ADAMTS2: variants seen among roughly 807,000 people sequenced by gnomAD.
ADAMTS2 encodes the protein A disintegrin and metalloproteinase with thrombospondin motifs 2.
A neutral mutation model predicts 123.0 loss-of-function variants in ADAMTS2; 50 were observed. The ratio of observed to expected loss-of-function variants is 0.41; its 90% CI spans 0.32 to 0.51. The LOEUF is 0.51. Ranked by LOEUF, ADAMTS2 falls within the 20% of genes least tolerant of loss-of-function variation. The pLI, the probability that ADAMTS2 is intolerant of heterozygous loss-of-function variation, is 0.35. For synonymous variants in ADAMTS2, 678 were observed against 695.4 expected (o/e 0.98, Z 0.39); for missense variants, 1,494 against 1,705.2 (o/e 0.88, Z 2.18).
At chr5:179,232,319 T>C (rs1765427658) in intron 3 of ADAMTS2, among the ~76,000 whole-genome samples, 1 of 152,240 alleles carries the variant, frequency 6.6e-6, no homozygotes, top group Non-Finnish European at 1.5e-5. Flanking sequence ...ACATCCATAC[T>C]GCTCTTAAGG....
intron 3 of ADAMTS2, among the ~76,000 whole-genome samples, chr5:179,216,052 CA>C (rs1318286091): frequency 6.6e-6 from 1 of 152,012 alleles, no homozygotes; most frequent in Admixed American, 6.5e-5. Context: ...CCATCAAAAA[CA>C]AAAAAGGCAA....
rs375339070 is a variant in ADAMTS2 at position 179,181,290 on chromosome 5, ACC to A, written c.892-137_892-136del. On this transcript the variant is annotated intron_variant, in intron 4 of 21. Coordinates refer to ENST00000251582, the MANE Select transcript of ADAMTS2 (RefSeq NM_014244.5). The surrounding 1 kb of genome is among the most constrained non-coding windows in gnomAD (Gnocchi z 4.1). Reference sequence around the variant, plus strand: ...CAGGCGTCACCATCAACTAGGAGCCACCTTGTGACCCCTCCCTCATTGCCCCC... The same window carrying A: ...CAGGCGTCACCATCAACTAGGAGCCATTGTGACCCCTCCCTCATTGCCCCC... The A allele has an allele frequency of 5.3e-4, 377 of 714,442 alleles. 1 individual carries two copies. In the African/African-American group the frequency reaches 5.4e-3, roughly 10 times the overall value. The allele number at this position is 714,442 out of a possible 1,614,324, so 44.3% of individuals were successfully genotyped here.
chr5:179,296,904 G>T (rs1756354920), intron 2 of ADAMTS2, among the ~76,000 whole-genome samples: 1 of 152,178 alleles, frequency 6.6e-6, no homozygotes, highest in South Asian at 2.1e-4. Flanking sequence ...AACAAACAAG[G>T]CATGCCGTCT....
At position 179,125,177 on chromosome 5, in the gene ADAMTS2, C is replaced by T; in HGVS notation, c.2754G>A (p.Trp918Ter). ...CNPQECSQPV[W>*]VTGEWEPCSQ... ...TACATGGCTCCCATTCGCCTGTGAC[C>T]CACCTGCCAGGGCAGAGCGGGGCAC... The change falls in exon 19 of 22, where the codon TGG becomes TGA. Residue 918 changes from tryptophan (W) to a stop codon, truncating the protein, a stop_gained. Transcript: ENST00000251582. LOFTEE classifies it high-confidence loss of function. 1 of 1,612,354 alleles carries T rather than the reference C, an allele frequency of 6.2e-7. No individual in the cohort carries two copies. Among genetic ancestry groups the T allele is most frequent in the Non-Finnish European group, 8.5e-7 (1 of 1,179,872 alleles).
intron 2 of ADAMTS2, among the ~76,000 whole-genome samples, 156 bp downstream of exon 2, chr5:179,343,611 G>A (rs1023399489): frequency 6.6e-6 from 1 of 152,244 alleles, no homozygotes; most frequent in African/African-American, 2.4e-5. Flanking sequence ...TTCCAGCCAA[G>A]CCCTTCAGTT....
Position 179,158,118 on chromosome 5 carries a change from C to T in ADAMTS2, c.1132+605G>A, listed in dbSNP as rs1385402200. Among the ~76,000 whole-genome samples, 2 of 152,118 alleles carry T rather than the reference C, an allele frequency of 1.3e-5. No homozygotes were observed. The highest frequency in any genetic ancestry group is 3.9e-4 in the East Asian group (2 of 5,178). ...TAGCTGGGACTACAGGCGCCCGCCACCATGCCCTGCTAATTTTTTTGTATT... is the reference window on the plus strand; with the variant it reads ...TAGCTGGGACTACAGGCGCCCGCCATCATGCCCTGCTAATTTTTTTGTATT... On this transcript the variant is annotated intron_variant, in intron 6 of 21. Transcript: ENST00000251582. The surrounding 1 kb of genome is among the most constrained non-coding windows in gnomAD (Gnocchi z 5.0).
chr5:179,138,469 G>A (rs1310305428), intron 11 of ADAMTS2, among the ~76,000 whole-genome samples: 1 of 152,222 alleles, frequency 6.6e-6, no homozygotes, highest in Non-Finnish European at 1.5e-5. Context: ...CATCACGGCC[G>A]CTGGGTTTTC....
chr5:179,142,822 A>C (rs1763193575), intron 10 of ADAMTS2, among the ~76,000 whole-genome samples: 1 of 152,184 alleles, frequency 6.6e-6, no homozygotes, highest in Admixed American at 6.5e-5. Context: ...ATCAACAAGC[A>C]AACAGTAGCA....
At chr5:179,237,557 G>A (rs373426160) in intron 3 of ADAMTS2, among the ~76,000 whole-genome samples, 8 of 152,202 alleles carry the variant, frequency 5.3e-5, no homozygotes, top group Admixed American at 2.0e-4. Flanking sequence ...GAAAGGCTTC[G>A]TCACCTGGAT....
chr5:179,165,109 C>G (rs1763671892), intron 5 of ADAMTS2, among the ~76,000 whole-genome samples: 4 of 152,214 alleles, frequency 2.6e-5, no homozygotes, highest in African/African-American at 7.2e-5. Flanking sequence ...AGGATACTGT[C>G]CTGACATGCA....
chr5:179,220,145 G>T (rs2113403991), intron 3 of ADAMTS2, among the ~76,000 whole-genome samples: 1 of 152,384 alleles, frequency 6.6e-6, no homozygotes, highest in East Asian at 1.9e-4. Flanking sequence ...CAGCCAAGTG[G>T]TGGGGGCCGA....
Position 179,189,590 on chromosome 5 carries a change from T to C in ADAMTS2, c.892-8435A>G, listed in dbSNP as rs35601097. Among the ~76,000 whole-genome samples, 20,968 of 141,526 alleles carry C rather than the reference T, an allele frequency of 0.15. 1,709 individuals are homozygous for C. Among genetic ancestry groups the C allele is most frequent in the South Asian group, 0.21 (862 of 4,172 alleles). The allele number at this position is 141,526 out of a possible 152,430, so 92.8% of individuals were successfully genotyped here. A position where few individuals can be genotyped will look rare whatever the true frequency, so the allele number is the denominator to read the frequency against. On this transcript the variant is annotated intron_variant, in intron 4 of 21. Coordinates refer to ENST00000251582, the MANE Select transcript of ADAMTS2 (RefSeq NM_014244.5). The surrounding 1 kb of genome is among the most constrained non-coding windows in gnomAD (Gnocchi z 4.2). ...GCCAGGATGGTCTTGATCTCCTGAC[T>C]TCATGATCTGCCCGCCTCGGCCTCC... is the stretch of plus-strand genomic sequence containing the variant.
intron 13 of ADAMTS2, 99 bp downstream of exon 13, chr5:179,135,810 C>A (rs1056297032): frequency 6.5e-7 from 1 of 1,549,882 alleles, no homozygotes; most frequent in Non-Finnish European, 8.8e-7. Context: ...GTATGCTTCA[C>A]CTCATGCATC....
chr5:179,166,282 C>T (rs770832849), intron 5 of ADAMTS2, among the ~76,000 whole-genome samples: 4 of 152,308 alleles, frequency 2.6e-5, no homozygotes, highest in East Asian at 3.9e-4. Flanking sequence ...GTGTTTCCTC[C>T]GGGTTCAGCC....
At position 179,170,453 on chromosome 5, in the gene ADAMTS2, A is replaced by G. The variant is rs1282862251; in HGVS notation, c.975+10619T>C. ...GCCATCGCCTTGGTTTTGCCATGCT[A>G]AAATTCTTCTAGAGACGGGGGCCTC... On this transcript the variant is annotated intron_variant, in intron 5 of 21. Transcript: ENST00000251582. This position sits in a 1 kb window ranked among gnomAD's most constrained non-coding sequence, Gnocchi z 4.3. Among the ~76,000 whole-genome samples, 1 of 152,048 alleles carries G rather than the reference A, an allele frequency of 6.6e-6. No homozygotes were observed. The highest frequency in any genetic ancestry group is 2.4e-5 in the African/African-American group (1 of 41,390).
In ADAMTS2 at chr5:179,216,058, A is replaced by G. The variant is rs142520586; in HGVS notation, c.689-8343T>C. ...AGGTGTGCACCATCAAAAACAAAAAAGGCAACAAAGAAAGAGTAAGACACA... is the reference window on the plus strand; with the variant it reads ...AGGTGTGCACCATCAAAAACAAAAAGGGCAACAAAGAAAGAGTAAGACACA... On this transcript the variant is annotated intron_variant, in intron 3 of 21. Coordinates refer to ENST00000251582, the MANE Select transcript of ADAMTS2 (RefSeq NM_014244.5). 6.3e-3 allele frequency among the ~76,000 whole-genome samples: 953 copies of G among 152,356 alleles called. 8 individuals carry two copies. Among genetic ancestry groups the G allele is most frequent in the African/African-American group, 0.019 (805 of 41,580 alleles).
At chr5:179,164,762 G>A (rs1410628782) in intron 5 of ADAMTS2, among the ~76,000 whole-genome samples, 1 of 152,306 alleles carries the variant, frequency 6.6e-6, no homozygotes, top group East Asian at 1.9e-4. Flanking sequence ...GCACAGGTTC[G>A]AAAGGACTGA....
rs1453902448 is a variant in ADAMTS2, at chr5:179,113,334, G to A, written c.*533C>T. On this transcript the variant is annotated 3_prime_UTR_variant, in exon 22 of 22. Coordinates refer to ENST00000251582, the MANE Select transcript of ADAMTS2 (RefSeq NM_014244.5). The stretch of plus-strand genomic sequence containing the variant: ...TGTCAGGGCGGCCATGGTCCCCAGC[G>A]GGCCACTACGCTCACCCCGGTCAGC... The A allele has an allele frequency of 1.2e-5, 2 of 170,416 alleles. No homozygotes were observed. The highest frequency in any genetic ancestry group is 2.4e-5 in the African/African-American group (1 of 41,920). 10.6% of individuals were successfully genotyped at this position (170,416 alleles called of 1,614,324 possible).
rs575377226 is a variant in ADAMTS2 at position 179,317,466 on chromosome 5, C to A, written c.534+26301G>T. On this transcript the variant is annotated intron_variant, in intron 2 of 21. Coordinates refer to ENST00000251582, the MANE Select transcript of ADAMTS2 (RefSeq NM_014244.5). The surrounding 1 kb of genome is among the most constrained non-coding windows in gnomAD (Gnocchi z 4.9). Reference sequence around the variant, plus strand: ...AGTTCCTCGTGGAGGGAGAGAGATGCGAGCAGGTGGGCGGAGGGTGCACTC... The same window carrying A: ...AGTTCCTCGTGGAGGGAGAGAGATGAGAGCAGGTGGGCGGAGGGTGCACTC... Among the ~76,000 whole-genome samples, 1 of 152,086 alleles carries A rather than the reference C, an allele frequency of 6.6e-6. No homozygotes were observed. The highest frequency in any genetic ancestry group is 2.4e-5 in the African/African-American group (1 of 41,408).
Sources: allele counts gnomAD v4.1 joint callset (sites outside exome capture counted in the v4.1 genomes callset), GRCh38; gene constraint gnomAD v4.1.1; non-coding constraint Gnocchi (gnomAD v3.1); transcripts MANE v1.5; gene names NCBI Gene and HGNC (gene_info 2026-07-23, HGNC 2026-07-21).